Variants in NRXN3 observed in about 807,000 individuals in gnomAD.
NRXN3 encodes the protein neurexin 3, also known as neurexin III.
NRXN3 carries 32 observed loss-of-function variants against 137.6 expected under a neutral mutation model. The ratio of observed to expected loss-of-function variants is 0.23; its 90% CI spans 0.18 to 0.31. The LOEUF (loss-of-function observed/expected upper bound fraction) is 0.31, where lower values mean the gene tolerates loss of function less well. NRXN3 is among the 10% of genes least tolerant of loss of function. The pLI, the probability that NRXN3 is intolerant of heterozygous loss-of-function variation, is 1.00. For missense variants in NRXN3, 1,574 were observed against 2,062.5 expected (o/e 0.76, Z 4.59); for synonymous variants, 798 against 784.5 (o/e 1.02, Z -0.29).
intron 4 of NRXN3, among the ~76,000 whole-genome samples, chr14:78,352,514 C>A (rs545462530): frequency 6.6e-6 from 1 of 152,258 alleles, no homozygotes; most frequent in Admixed American, 6.5e-5. Flanking sequence ...CCCACCATGA[C>A]CCCTGGTTGA....
At chr14:78,242,268 G>A (rs1178490254) in intron 1 of NRXN3, 123 bp from the exon 2 acceptor site, 1 of 152,190 alleles carries the variant, frequency 6.6e-6, no homozygotes. Context: ...AAGCACTGTA[G>A]CAATCACTAG....
At chr14:78,365,051 C>A (rs1186124403) in intron 4 of NRXN3, among the ~76,000 whole-genome samples, 1 of 151,932 alleles carries the variant, frequency 6.6e-6, no homozygotes, top group African/African-American at 2.4e-5. Context: ...ACAGGATTAG[C>A]AAGAAATTAA....
Position 79,204,613 on chromosome 14 carries a change from A to T in NRXN3, c.3262+216472A>T, listed in dbSNP as rs78142291. The stretch of plus-strand genomic sequence containing the variant: ...TGAATGTCTGAATATGCTCATTTTC[A>T]TATTTTAAGTCATCATCAATTAAAC... On this transcript the variant is annotated intron_variant, in intron 15 of 20. Coordinates refer to ENST00000335750, the MANE Select transcript of NRXN3 (RefSeq NM_001330195.2). 3.6e-3 allele frequency among the ~76,000 whole-genome samples: 541 copies of T among 152,232 alleles called. 14 individuals are homozygous for T. In the East Asian group the frequency reaches 0.076, roughly 21 times the overall value.
intron 6 of NRXN3, among the ~76,000 whole-genome samples, chr14:78,708,015 G>C (rs1015336535): frequency 7.9e-5 from 12 of 152,210 alleles, no homozygotes; most frequent in African/African-American, 2.9e-4. Context: ...ACACATGCCT[G>C]TGCAAGTATC....
At chr14:78,807,775 GA>G in intron 9 of NRXN3, among the ~76,000 whole-genome samples, 1 of 11,554 alleles carries the variant, frequency 8.7e-5, no homozygotes, top group Non-Finnish European at 1.7e-3. Flanking sequence ...GAAAAAGAAA[GA>G]GAAAGAAAGA....
rs1230142865 is a variant in NRXN3 at position 79,316,746 on chromosome 14, C to CTCTCTCTCTCTCTT, written c.3263-150462_3263-150461insTTCTCTCTCTCTCT. On this transcript the variant is annotated intron_variant, in intron 15 of 20. Transcript: ENST00000335750. The stretch of plus-strand genomic sequence containing the variant: ...GTCCTGTCCCTCTCTCTCTCTCTCT[C>CTCTCTCTCTCTCTT]TCTCTCTCTCTCTCTCTATTGAATT... Among the ~76,000 whole-genome samples, 7 of 151,910 alleles carry CTCTCTCTCTCTCTT rather than the reference C, an allele frequency of 4.6e-5. 1 individual carries two copies. The highest frequency in any genetic ancestry group is 1.7e-4 in the African/African-American group (7 of 41,334).
intron 20 of NRXN3, among the ~76,000 whole-genome samples, chr14:79,850,138 T>C (rs1220424048): frequency 1.3e-5 from 2 of 152,206 alleles, no homozygotes; most frequent in African/African-American, 2.4e-5. Context: ...ATGTATCCAA[T>C]GCCAAAAGTC....
intron 15 of NRXN3, among the ~76,000 whole-genome samples, chr14:79,448,157 C>T (rs775026512): frequency 6.6e-6 from 1 of 152,176 alleles, no homozygotes; most frequent in Non-Finnish European, 1.5e-5. Flanking sequence ...GTTCCTCACA[C>T]AAGCCAAGCA....
chr14:78,702,245 T>G (rs1299485595), intron 6 of NRXN3, among the ~76,000 whole-genome samples: 1 of 151,822 alleles, frequency 6.6e-6, no homozygotes, highest in African/African-American at 2.4e-5. Flanking sequence ...CAATTAAGTA[T>G]ATACAATTTA....
rs562582904 is a variant in NRXN3 at position 79,382,926 on chromosome 14, C to T, written c.3263-84295C>T. Among the ~76,000 whole-genome samples the T allele has an allele frequency of 1.0e-3, 140 of 140,186 alleles. 1 individual carries two copies. The highest frequency in any genetic ancestry group is 3.5e-3 in the African/African-American group (133 of 38,344). The allele number at this position is 140,186 out of a possible 152,430, so 92.0% of individuals were successfully genotyped here. A position where few individuals can be genotyped will look rare whatever the true frequency, so the allele number is the denominator to read the frequency against. On this transcript the variant is annotated intron_variant, in intron 15 of 20. Transcript: ENST00000335750. ...AGCCAGGGATTTGAACTACAAAAAC[C>T]GTGTTTTTTCTAGTCTACCACCTTA...
At chr14:79,655,210 G>C (rs1485411450) in intron 16 of NRXN3, among the ~76,000 whole-genome samples, 6 of 152,212 alleles carry the variant, frequency 3.9e-5, no homozygotes, top group Non-Finnish European at 7.3e-5. Context: ...TTAGGGACTA[G>C]CAGCAATCAG....
chr14:78,657,050 A>C (rs1006066953), intron 6 of NRXN3, among the ~76,000 whole-genome samples: 6 of 146,664 alleles, frequency 4.1e-5, no homozygotes, highest in Non-Finnish European at 6.0e-5. Flanking sequence ...CCGTCTCAAA[A>C]AAAAAAAAAA....
At chr14:78,813,830 A>G (rs1011215614) in intron 10 of NRXN3, among the ~76,000 whole-genome samples, 10 of 152,090 alleles carry the variant, frequency 6.6e-5, no homozygotes, top group African/African-American at 9.7e-5. Context: ...TCTTGAGGGG[A>G]AAAAAAGCAG....
intron 4 of NRXN3, among the ~76,000 whole-genome samples, chr14:78,371,562 T>A (rs1408431101): frequency 6.6e-6 from 1 of 152,194 alleles, no homozygotes; most frequent in Non-Finnish European, 1.5e-5. Flanking sequence ...TGTTTAACAC[T>A]TAAGCTGTCC....
intron 4 of NRXN3, among the ~76,000 whole-genome samples, chr14:78,526,294 T>C (rs2096377865): frequency 6.6e-6 from 1 of 152,196 alleles, no homozygotes; most frequent in Non-Finnish European, 1.5e-5. Flanking sequence ...TGTCTGAACA[T>C]AGTCTGAAAT....
chr14:78,408,141 AACTGTTTCT>A (rs1457087794), intron 4 of NRXN3, among the ~76,000 whole-genome samples: 6 of 152,146 alleles, frequency 3.9e-5, no homozygotes, highest in Non-Finnish European at 5.9e-5. Context: ...ATGTGAAACA[AACTGTTTCT>A]ACTGGGAAGA....
At chr14:78,592,092 A>G (rs893261343) in intron 4 of NRXN3, among the ~76,000 whole-genome samples, 26 of 152,190 alleles carry the variant, frequency 1.7e-4, no homozygotes, top group Non-Finnish European at 3.2e-4. Context: ...AGGTCTTGAA[A>G]ATGTATGCAT....
chr14:78,852,127 AATG>A (rs747377804), intron 10 of NRXN3, among the ~76,000 whole-genome samples: 2 of 152,128 alleles, frequency 1.3e-5, no homozygotes, highest in Non-Finnish European at 2.9e-5. Flanking sequence ...GAATATATGA[AATG>A]ATATCTGGCA....
At chr14:78,958,557 G>A (rs1239538739) in intron 11 of NRXN3, among the ~76,000 whole-genome samples, 9 of 152,086 alleles carry the variant, frequency 5.9e-5, no homozygotes, top group African/African-American at 1.2e-4. Context: ...GCGTTTCACC[G>A]TGTTAGCCAG....
Sources: allele counts gnomAD v4.1 joint callset (sites outside exome capture counted in the v4.1 genomes callset), GRCh38; gene constraint gnomAD v4.1.1; transcripts MANE v1.5; gene names NCBI Gene and HGNC (gene_info 2026-07-23, HGNC 2026-07-21).